Variants in PPM1H observed in about 807,000 individuals in gnomAD.
The protein encoded by PPM1H is protein phosphatase 1H.
PPM1H carries 27 observed loss-of-function variants against 54.9 expected under a neutral mutation model. The ratio of observed to expected loss-of-function variants is 0.49; its 90% CI spans 0.36 to 0.68. The LOEUF (loss-of-function observed/expected upper bound fraction) is 0.68, where lower values mean the gene tolerates loss of function less well. PPM1H is among the 30% of genes least tolerant of loss of function. The pLI is 0.00. For missense variants in PPM1H, 596 were observed against 667.8 expected (o/e 0.89, Z 1.19); for synonymous variants, 305 against 270.8 (o/e 1.13, Z -1.24).
At chr12:62,659,392 A>G (rs561706312) in intron 9 of PPM1H, among the ~76,000 whole-genome samples, 1 of 152,134 alleles carries the variant, frequency 6.6e-6, no homozygotes, top group South Asian at 2.1e-4. Context: ...AAAGGACTTA[A>G]GATACACCAG....
chr12:62,785,902 G>A (rs2076667973), intron 4 of PPM1H, among the ~76,000 whole-genome samples: 1 of 151,886 alleles, frequency 6.6e-6, no homozygotes, highest in Non-Finnish European at 1.5e-5. Flanking sequence ...CTGGGGAGGA[G>A]TTGAGTCTCG....
intron 4 of PPM1H, among the ~76,000 whole-genome samples, chr12:62,744,789 C>G (rs1223737911): frequency 6.6e-6 from 1 of 152,194 alleles, no homozygotes; most frequent in East Asian, 1.9e-4. Context: ...GCCCAGGACT[C>G]ATACCCCACT....
intron 3 of PPM1H, among the ~76,000 whole-genome samples, chr12:62,794,009 C>G (rs2076716865): frequency 6.6e-6 from 1 of 152,166 alleles, no homozygotes. Context: ...AAACACGGCT[C>G]TGAGCACATT....
At chr12:62,737,630 G>T in intron 4 of PPM1H, 44 bp from the exon 5 acceptor site, 2 of 1,329,692 alleles carry the variant, frequency 1.5e-6, no homozygotes, top group Non-Finnish European at 2.1e-6. Flanking sequence ...TCTCATAAAT[G>T]CTCTGATTCT....
In PPM1H at chr12:62,927,991, G is replaced by A. The variant is rs546655483; in HGVS notation, c.245+6501C>T. Among the ~76,000 whole-genome samples, 84 of 152,256 alleles carry A rather than the reference G, an allele frequency of 5.5e-4. 1 individual carries two copies. In the South Asian group the frequency reaches 9.1e-3, roughly 17 times the overall value. ...CAGTGAAAAACCACCAAAGGTAGGC[G>A]TTCCACAGAACTGGATATGAATCCA... is the stretch of plus-strand genomic sequence containing the variant. On this transcript the variant is annotated intron_variant, in intron 1 of 9. Coordinates refer to ENST00000228705, the MANE Select transcript of PPM1H (RefSeq NM_020700.2).
At chr12:62,910,881 A>G (rs1320339968) in intron 1 of PPM1H, among the ~76,000 whole-genome samples, 1 of 152,238 alleles carries the variant, frequency 6.6e-6, no homozygotes, top group Admixed American at 6.5e-5. Context: ...CAGAATACAA[A>G]GTACTCACAG....
chr12:62,872,317 G>T (rs1870015568), intron 1 of PPM1H, among the ~76,000 whole-genome samples: 1 of 152,222 alleles, frequency 6.6e-6, no homozygotes, highest in Non-Finnish European at 1.5e-5. Flanking sequence ...TACAGCCTGT[G>T]ATGCTCTAGC....
At chr12:62,867,029 C>T (rs375066788) in intron 1 of PPM1H, among the ~76,000 whole-genome samples, 40 of 152,250 alleles carry the variant, frequency 2.6e-4, no homozygotes, top group African/African-American at 9.6e-4. Flanking sequence ...CCTCCAGTTC[C>T]AGCCTTTCCT....
intron 1 of PPM1H, among the ~76,000 whole-genome samples, chr12:62,868,329 G>A (rs1171329433): frequency 6.6e-6 from 1 of 152,188 alleles, no homozygotes; most frequent in South Asian, 2.1e-4. Context: ...TGAACAACGT[G>A]TAGGTCGCAA....
At chr12:62,737,228 A>G (rs202052546) in intron 5 of PPM1H, among the ~76,000 whole-genome samples, 31 of 151,128 alleles carry the variant, frequency 2.1e-4, no homozygotes, top group African/African-American at 7.3e-4. Flanking sequence ...AAAAAAAAAA[A>G]AAAACAAAAA....
chr12:62,927,713 G>A (rs1292861759), intron 1 of PPM1H, among the ~76,000 whole-genome samples: 3 of 151,252 alleles, frequency 2.0e-5, no homozygotes, highest in East Asian at 1.9e-4. Flanking sequence ...ATACGTTGAA[G>A]AGGGGACCAT....
intron 2 of PPM1H, among the ~76,000 whole-genome samples, chr12:62,805,894 G>A (rs984562932): frequency 6.6e-6 from 1 of 152,162 alleles, no homozygotes; most frequent in Non-Finnish European, 1.5e-5. Context: ...GGGAATGGAT[G>A]TATTAACTTG....
At chr12:62,877,878 A>G (rs940824899) in intron 1 of PPM1H, among the ~76,000 whole-genome samples, 1 of 152,172 alleles carries the variant, frequency 6.6e-6, no homozygotes, top group Non-Finnish European at 1.5e-5. Flanking sequence ...TAAAGAAGAA[A>G]GAGGTAAGGC....
At chr12:62,802,228 TG>T in intron 2 of PPM1H, 68 bp from the exon 3 acceptor site, 1 of 1,314,520 alleles carries the variant, frequency 7.6e-7, no homozygotes, top group Non-Finnish European at 1.0e-6. Context: ...ATACAGATTG[TG>T]GGACATCTAT....
At chr12:62,878,896 C>T (rs971261899) in intron 1 of PPM1H, among the ~76,000 whole-genome samples, 14 of 152,030 alleles carry the variant, frequency 9.2e-5, no homozygotes, top group East Asian at 1.9e-4. Context: ...GCAGAGATCG[C>T]GCCACTGCAC....
chr12:62,764,827 C>A (rs1174702048), intron 4 of PPM1H, among the ~76,000 whole-genome samples: 2 of 152,096 alleles, frequency 1.3e-5, no homozygotes, highest in Non-Finnish European at 2.9e-5. Context: ...GCACGGGGGG[C>A]CATGGAGAAG....
intron 1 of PPM1H, among the ~76,000 whole-genome samples, chr12:62,932,886 C>A (rs1039920991): frequency 9.9e-5 from 15 of 151,936 alleles, no homozygotes; most frequent in African/African-American, 3.6e-4. Context: ...CCGCCCGCCT[C>A]GGCCTCCCAA....
chr12:62,649,157 T>C (rs1299765804), intron 9 of PPM1H, among the ~76,000 whole-genome samples: 1 of 152,056 alleles, frequency 6.6e-6, no homozygotes, highest in Admixed American at 6.5e-5. Context: ...TTAAAAATAA[T>C]ACAACCTGGC....
intron 3 of PPM1H, among the ~76,000 whole-genome samples, chr12:62,791,291 A>G (rs1373545861): frequency 6.6e-6 from 1 of 152,142 alleles, no homozygotes. Context: ...GAGGAGGGGC[A>G]CGGGTGTCAG....
Sources: gnomAD v4.1 joint callset for allele counts (sites outside exome capture counted in the v4.1 genomes callset) on GRCh38, gnomAD v4.1.1 for gene constraint, MANE v1.5 for transcripts, NCBI Gene and HGNC (gene_info 2026-07-23, HGNC 2026-07-21) for gene names.